Variants in ZNF98 observed in about 807,000 individuals in gnomAD.
ZNF98 encodes zinc finger protein 739.
Under a neutral mutation model 12.8 loss-of-function variants are expected in ZNF98, and 8 were observed. That is an observed-to-expected ratio of 0.63 (90% confidence interval 0.37 to 1.13). The LOEUF (loss-of-function observed/expected upper bound fraction) is 1.13, where lower values mean the gene tolerates loss of function less well. Among genes scored for constraint, ZNF98 ranks in the 50% most tolerant of loss-of-function variants. The probability of loss-of-function intolerance (pLI) is 0.01; values close to 1 mark genes in which losing one functional copy is unlikely to be tolerated. For synonymous variants in ZNF98, 112 were observed against 223.5 expected (o/e 0.50, Z 4.45); for missense variants, 379 against 666.1 (o/e 0.57, Z 4.74).
chr19:22,419,280 C>T (rs991170067), intron 1 of ZNF98, among the ~76,000 whole-genome samples: 1 of 152,270 alleles, frequency 6.6e-6, no homozygotes, highest in East Asian at 1.9e-4. Flanking sequence ...ACTTCATCTT[C>T]ACAAGAATCC....
At chr19:22,419,962 C>T (rs774085771) in intron 1 of ZNF98, among the ~76,000 whole-genome samples, 1 of 151,904 alleles carries the variant, frequency 6.6e-6, no homozygotes, top group Non-Finnish European at 1.5e-5. Flanking sequence ...TCGAGACCAA[C>T]CAGGCCAACA....
rs113127476 is a variant in ZNF98, at chr19:22,412,036, G to C, written c.31-8524C>G. ...ATTATTGAGGCAGAAAATTAACAAA[G>C]ATATTAAGACCTAAACTCAACACCT... is the stretch of plus-strand genomic sequence containing the variant. On this transcript the variant is annotated intron_variant, in intron 1 of 3. Coordinates refer to ENST00000357774, the MANE Select transcript of ZNF98 (RefSeq NM_001098626.2). Among the ~76,000 whole-genome samples the C allele has an allele frequency of 3.3e-3, 507 of 152,232 alleles. 5 individuals are homozygous for C. Among genetic ancestry groups the C allele is most frequent in the African/African-American group, 0.012 (492 of 41,540 alleles).
At chr19:22,403,782 TG>T (rs1386215912) in intron 1 of ZNF98, among the ~76,000 whole-genome samples, 1 of 152,122 alleles carries the variant, frequency 6.6e-6, no homozygotes, top group Admixed American at 6.5e-5. Context: ...AACACTAACA[TG>T]TACACTTTTG....
intron 3 of ZNF98, among the ~76,000 whole-genome samples, chr19:22,396,575 A>T (rs1969396959): frequency 6.6e-6 from 1 of 152,196 alleles, no homozygotes; most frequent in South Asian, 2.1e-4. Context: ...CAAGAGACAT[A>T]CTTTCAACAG....
chr19:22,404,692 T>A (rs751170958), intron 1 of ZNF98, among the ~76,000 whole-genome samples: 1 of 152,228 alleles, frequency 6.6e-6, no homozygotes, highest in Non-Finnish European at 1.5e-5. Flanking sequence ...TAAAGAAACA[T>A]TGGTTTTATG....
chr19:22,408,363 C>T (rs576248074), intron 1 of ZNF98, among the ~76,000 whole-genome samples: 1 of 152,234 alleles, frequency 6.6e-6, no homozygotes, highest in Non-Finnish European at 1.5e-5. Context: ...ATGCTGGAAG[C>T]ATTCTCTGAA....
chr19:22,413,270 T>C (rs1969601128), intron 1 of ZNF98, among the ~76,000 whole-genome samples: 1 of 151,752 alleles, frequency 6.6e-6, no homozygotes, highest in South Asian at 2.1e-4. Context: ...ATAAAAGGCA[T>C]ACAAACAGGA....
intron 1 of ZNF98, among the ~76,000 whole-genome samples, chr19:22,420,023 T>TG (rs1281353526): frequency 6.7e-6 from 1 of 149,564 alleles, no homozygotes; most frequent in Non-Finnish European, 1.5e-5. Context: ...ATTAGCTGGG[T>TG]GTGGTGGTGC....
rs1025608362 is a variant in ZNF98 at position 22,415,787 on chromosome 19, A to AAAAAT, written c.30+6403_30+6407dup. On this transcript the variant is annotated intron_variant, in intron 1 of 3. Transcript: ENST00000357774. The stretch of plus-strand genomic sequence containing the variant: ...GACAACATAGTGAGAACCTGTCTTC[A>AAAAAT]AAAATAAAATAAAATAAAAGGCTTA... Among the ~76,000 whole-genome samples, 8 of 151,960 alleles carry AAAAAT rather than the reference A, an allele frequency of 5.3e-5. No homozygotes were observed. The East Asian group carries it at 9.7e-4, about 18-fold the overall frequency.
At chr19:22,401,154 TA>T in intron 3 of ZNF98, among the ~76,000 whole-genome samples, 1 of 146,354 alleles carries the variant, frequency 6.8e-6, no homozygotes, top group East Asian at 2.0e-4. Context: ...GACAAATAAG[TA>T]AAAAGTTGCT....
rs751703697 is a variant in ZNF98 at position 22,417,259 on chromosome 19, TAAGTAA to T, written c.30+4930_30+4935del. Among the ~76,000 whole-genome samples, 202 of 99,918 alleles carry T rather than the reference TAAGTAA, an allele frequency of 2.0e-3. 1 individual carries two copies. The highest frequency in any genetic ancestry group is 3.8e-3 in the Non-Finnish European group (184 of 47,970). 65.6% of individuals were successfully genotyped at this position (99,918 alleles called of 152,430 possible). On this transcript the variant is annotated intron_variant, in intron 1 of 3. Coordinates refer to ENST00000357774, the MANE Select transcript of ZNF98 (RefSeq NM_001098626.2). ...AAAAAAAAAAAAAAAAAAAAAAAAT[TAAGTAA>T]GAGCTGAATAATAAGAACACATAAA... is the stretch of plus-strand genomic sequence containing the variant.
chr19:22,413,658 G>A, intron 1 of ZNF98, among the ~76,000 whole-genome samples: 1 of 151,830 alleles, frequency 6.6e-6, no homozygotes, highest in African/African-American at 2.4e-5. Flanking sequence ...ATCACCTGAG[G>A]TTGAGAGTTC....
chr19:22,391,649 T>C lies in ZNF98; in HGVS notation c.1586A>G (p.Asn529Ser), dbSNP rs368741120. ...CTTATGTCTGTTAAGAATAGAGGAGTTGTTAAAGGCTTTGCCGCATTCTTC... is the reference window on the plus strand; with the variant it reads ...CTTATGTCTGTTAAGAATAGAGGAGCTGTTAAAGGCTTTGCCGCATTCTTC... ...KCEECGKAFN[N>S]SSILNRHKMI... The change falls in exon 4 of 4, where the codon AAC becomes AGC. Residue 529 changes from asparagine (N) to serine (S), a missense_variant. This residue lies in a region of ZNF98 where 59 missense variants were observed against 50.3 expected (regional missense o/e 1.17). Transcript: ENST00000357774. 6.2e-6 allele frequency: 10 copies of C among 1,613,676 alleles called. No homozygotes were observed. In the African/African-American group the frequency reaches 8.0e-5, roughly 13 times the overall value.
At chr19:22,402,715 A>T in intron 3 of ZNF98, 74 bp downstream of exon 3, 1 of 992,070 alleles carries the variant, frequency 1.0e-6, no homozygotes, top group Non-Finnish European at 1.4e-6. Context: ...ATTTTAAGGA[A>T]TGGCTTTTTT....
chr19:22,393,049 A>G (rs1969350170), intron 3 of ZNF98, 68 bp from the exon 4 acceptor site: 2 of 1,387,482 alleles, frequency 1.4e-6, no homozygotes, highest in Admixed American at 3.3e-5. Context: ...TACAAATCTA[A>G]CCTATAAAAT....
rs1969713667 is a variant in ZNF98 at position 22,422,299 on chromosome 19, A to C, written c.-75T>G. On this transcript the variant is annotated 5_prime_UTR_variant, in exon 1 of 4. Transcript: ENST00000357774. Reference sequence around the variant, plus strand: ...GGCCTCTACGAGCAGAGGACACAGAAGGGCGAAGACGAGACCAGGAACTCC... The same window carrying C: ...GGCCTCTACGAGCAGAGGACACAGACGGGCGAAGACGAGACCAGGAACTCC... The C allele has an allele frequency of 5.7e-6, 9 of 1,582,260 alleles. No individual in the cohort carries two copies. Among genetic ancestry groups the C allele is most frequent in the Non-Finnish European group, 4.3e-6 (5 of 1,153,756 alleles).
intron 2 of ZNF98, among the ~76,000 whole-genome samples, chr19:22,403,094 T>G (rs1003709984): frequency 2.0e-5 from 3 of 151,736 alleles, no homozygotes; most frequent in Non-Finnish European, 4.4e-5. Context: ...AAACTGGTAG[T>G]GGCAATTAGA....
At chr19:22,397,346 A>G (rs1969408936) in intron 3 of ZNF98, among the ~76,000 whole-genome samples, 2 of 152,126 alleles carry the variant, frequency 1.3e-5, no homozygotes, top group African/African-American at 2.4e-5. Flanking sequence ...TTGCCGTAAT[A>G]AAAATTAAAT....
At chr19:22,417,229 CAAAAAAAAAAA>C (rs57152900) in intron 1 of ZNF98, among the ~76,000 whole-genome samples, 66 of 45,456 alleles carry the variant, frequency 1.5e-3, no homozygotes, top group East Asian at 4.1e-3. Context: ...AACTCCATCT[CAAAAAAAAAAA>C]AAAAAAAAAA....
Sources: gnomAD v4.1 joint callset for allele counts (sites outside exome capture counted in the v4.1 genomes callset) on GRCh38, gnomAD v4.1.1 for gene constraint, gnomAD v4.1.1 regional missense constraint, MANE v1.5 for transcripts, NCBI Gene and HGNC (gene_info 2026-07-23, HGNC 2026-07-21) for gene names.